The following TRPC3 variants were observed in gnomAD, a reference collection of about 807,000 sequenced individuals.
TRPC3 encodes transient receptor potential cation channel subfamily C member 3.
In TRPC3, 54 loss-of-function variants were observed where a neutral mutation model predicts 90.9. That is an observed-to-expected ratio of 0.59 (90% CI 0.48 to 0.75). The LOEUF is 0.75. TRPC3 is among the 30% of genes least tolerant of loss of function. TRPC3 has a pLI of 0.00. For synonymous variants in TRPC3, 424 were observed against 450.9 expected (o/e 0.94, Z 0.75); for missense variants, 918 against 1,194.5 (o/e 0.77, Z 3.41).
intron 9 of TRPC3, 76 bp from the exon 10 acceptor site, chr4:121,899,771 C>T (rs1051802646): frequency 8.7e-7 from 1 of 1,144,412 alleles, no homozygotes; most frequent in South Asian, 1.3e-5. Context: ...ATTTATTCTC[C>T]TTGATAACAT....
At chr4:121,928,097 C>T (rs1213249298) in intron 2 of TRPC3, among the ~76,000 whole-genome samples, 1 of 152,170 alleles carries the variant, frequency 6.6e-6, no homozygotes, top group Non-Finnish European at 1.5e-5. Context: ...TAAAAAGAGG[C>T]TACCTTCCGT....
rs552810329 is a variant in TRPC3 at position 121,877,664 on chromosome 4, C to T, written c.*2072G>A. On this transcript the variant is annotated 3_prime_UTR_variant, in exon 12 of 12. Transcript: ENST00000379645. ...GTCATCACACCTTCTTCTGAAACAACACCTTGAAATGATGAATAAGGAAAA... is the reference window on the plus strand; with the variant it reads ...GTCATCACACCTTCTTCTGAAACAATACCTTGAAATGATGAATAAGGAAAA... Among the ~76,000 whole-genome samples, 86 of 151,312 alleles carry T rather than the reference C, an allele frequency of 5.7e-4. No homozygotes were observed. The highest frequency in any genetic ancestry group is 1.9e-3 in the African/African-American group (79 of 41,204).
chr4:121,910,210 T>C lies in TRPC3; in HGVS notation c.1736A>G (p.Gln579Arg). 1.2e-6 allele frequency: 2 copies of C among 1,613,814 alleles called. No individual in the cohort carries two copies. Among genetic ancestry groups the C allele is most frequent in the Non-Finnish European group, 1.7e-6 (2 of 1,179,782 alleles). The change falls in exon 6 of 12, where the codon CAA (glutamine) becomes CGA (arginine). Residue 579 changes from glutamine to arginine, a missense_variant. Physicochemically the swap from Gln to Arg is conservative, Grantham distance 43. Coordinates refer to ENST00000379645, the MANE Select transcript of TRPC3 (RefSeq NM_001130698.2). ...KAQQYVDSYV[Q>R]ESDLSEVTLP... ...TGTCACTTCACTGAGGTCACTCTCT[T>C]GGACGTAACTGTCCACATACTGTTG...
intron 10 of TRPC3, among the ~76,000 whole-genome samples, chr4:121,891,404 T>C (rs1338854140): frequency 3.9e-5 from 6 of 152,206 alleles, no homozygotes; most frequent in Non-Finnish European, 8.8e-5. Context: ...AAAAGACTGG[T>C]GGTGAATACT....
At chr4:121,930,380 T>TTTGCCC (rs1729863305) in intron 2 of TRPC3, among the ~76,000 whole-genome samples, 1 of 152,184 alleles carries the variant, frequency 6.6e-6, no homozygotes, top group African/African-American at 2.4e-5. Flanking sequence ...TTTCTCTCTT[T>TTTGCCC]TTGCCTCTTT....
chr4:121,936,225 T>C (rs1390631664), intron 1 of TRPC3, among the ~76,000 whole-genome samples: 1 of 152,256 alleles, frequency 6.6e-6, no homozygotes, highest in Admixed American at 6.5e-5. Context: ...CGAGTCAATA[T>C]TCACATCATC....
At chr4:121,947,233 T>C (rs1730522010) in intron 1 of TRPC3, among the ~76,000 whole-genome samples, 1 of 148,880 alleles carries the variant, frequency 6.7e-6, no homozygotes, top group South Asian at 2.1e-4. Flanking sequence ...TTAAGTCTAA[T>C]GCCATGCTGT....
intron 3 of TRPC3, among the ~76,000 whole-genome samples, chr4:121,922,459 T>C (rs1729554899): frequency 1.3e-5 from 2 of 152,314 alleles, no homozygotes; most frequent in South Asian, 4.1e-4. Context: ...AAGTCCTAAA[T>C]CTCCTTACAG....
intron 4 of TRPC3, among the ~76,000 whole-genome samples, chr4:121,912,547 A>G (rs1369377311): frequency 5.3e-5 from 8 of 152,218 alleles, no homozygotes; most frequent in Admixed American, 5.2e-4. Flanking sequence ...TGAAGATTAA[A>G]AAAATTACTA....
At chr4:121,883,201 T>C (rs1728003021) in intron 10 of TRPC3, among the ~76,000 whole-genome samples, 1 of 152,008 alleles carries the variant, frequency 6.6e-6, no homozygotes, top group African/African-American at 2.4e-5. Context: ...ACGTATTATA[T>C]AAGAGAGTAT....
intron 10 of TRPC3, among the ~76,000 whole-genome samples, chr4:121,884,384 G>A (rs1728039142): frequency 6.6e-6 from 1 of 152,130 alleles, no homozygotes; most frequent in South Asian, 2.1e-4. Context: ...AGAGGCAATG[G>A]ACGGATAATG....
At chr4:121,946,222 G>A (rs1730481185) in intron 1 of TRPC3, among the ~76,000 whole-genome samples, 2 of 152,158 alleles carry the variant, frequency 1.3e-5, no homozygotes, top group Non-Finnish European at 2.9e-5. Context: ...TCCAGCTCAG[G>A]TGATGATGAA....
intron 10 of TRPC3, among the ~76,000 whole-genome samples, chr4:121,888,273 A>G (rs1728201554): frequency 6.6e-6 from 1 of 152,232 alleles, no homozygotes; most frequent in South Asian, 2.1e-4. Context: ...TATAAAACAC[A>G]TAAGGTGATG....
chr4:121,949,824 T>C (rs994412668), intron 1 of TRPC3, among the ~76,000 whole-genome samples: 1 of 152,140 alleles, frequency 6.6e-6, no homozygotes, highest in East Asian at 1.9e-4. Flanking sequence ...AAGCCTACAA[T>C]AGAATTTGCC....
At position 121,951,603 on chromosome 4, in the gene TRPC3, G is replaced by C. The variant is rs200277892; in HGVS notation, c.78C>G (p.Gly26=). 4.8e-6 allele frequency: 7 copies of C among 1,453,352 alleles called. No homozygotes were observed. Among genetic ancestry groups the C allele is most frequent in the Middle Eastern group, 1.9e-4 (1 of 5,224 alleles). The allele number at this position is 1,453,352 out of a possible 1,614,324, so 90.0% of individuals were successfully genotyped here. A position where few individuals can be genotyped will look rare whatever the true frequency, so the allele number is the denominator to read the frequency against. ...FPAPEEEEDE[G]EDEGAEPQRR... ...GCTGCGGCTCCGCGCCCTCGTCCTC[G>C]CCCTCGTCTTCCTCCTCCTCCGGCG... Residue 26 remains glycine (G), a synonymous_variant, in exon 1 of 12, where the codon GGC becomes GGG. Transcript: ENST00000379645. The surrounding 1 kb of genome is among the most constrained non-coding windows in gnomAD (Gnocchi z 4.4).
In TRPC3 at chr4:121,877,145, G is replaced by T. The variant is rs1019821043; in HGVS notation, c.*2591C>A. Among the ~76,000 whole-genome samples, 5 of 152,092 alleles carry T rather than the reference G, an allele frequency of 3.3e-5. No homozygotes were observed. The highest frequency in any genetic ancestry group is 9.7e-5 in the African/African-American group (4 of 41,394). On this transcript the variant is annotated 3_prime_UTR_variant, in exon 12 of 12. Coordinates refer to ENST00000379645, the MANE Select transcript of TRPC3 (RefSeq NM_001130698.2). Reference sequence around the variant, plus strand: ...CTCAAGTGAAGGACTAATTCTGACAGCAATCCCCTCGACTAATCCTCATCT... The same window carrying T: ...CTCAAGTGAAGGACTAATTCTGACATCAATCCCCTCGACTAATCCTCATCT...
intron 10 of TRPC3, among the ~76,000 whole-genome samples, chr4:121,895,026 C>T (rs2135976): frequency 0.066 from 9,988 of 151,928 alleles, 383 homozygotes; most frequent in South Asian, 0.15. Flanking sequence ...TGAAACTATG[C>T]AAATACATGA....
At chr4:121,948,464 T>C (rs1730568578) in intron 1 of TRPC3, among the ~76,000 whole-genome samples, 1 of 152,106 alleles carries the variant, frequency 6.6e-6, no homozygotes, top group South Asian at 2.1e-4. Context: ...CATCTCCTAA[T>C]TTGTCTCTTC....
chr4:121,912,699 T>C (rs1456245461), intron 4 of TRPC3, among the ~76,000 whole-genome samples: 1 of 152,222 alleles, frequency 6.6e-6, no homozygotes, highest in Non-Finnish European at 1.5e-5. Context: ...TACACAATAA[T>C]TAAAACCTCT....
Sources: allele counts gnomAD v4.1 joint callset (sites outside exome capture counted in the v4.1 genomes callset), GRCh38; gene constraint gnomAD v4.1.1; non-coding constraint Gnocchi (gnomAD v3.1); transcripts MANE v1.5; gene names NCBI Gene and HGNC (gene_info 2026-07-23, HGNC 2026-07-21).